Variants in KSR2 observed in about 807,000 individuals in gnomAD.
KSR2 encodes kinase suppressor of ras 2.
In KSR2, 25 loss-of-function variants were observed where a neutral mutation model predicts 107.8. That is an observed-to-expected ratio of 0.23 (90% CI 0.17 to 0.32). The LOEUF is 0.32. KSR2 is among the 10% of genes least tolerant of loss of function. The probability of loss-of-function intolerance (pLI) is 1.00; values close to 1 mark genes in which losing one functional copy is unlikely to be tolerated. For missense variants in KSR2, 887 were observed against 1,268.9 expected, an observed-to-expected ratio of 0.70 and a Z score of 4.57; for synonymous variants, 480 against 507.0, an observed-to-expected ratio of 0.95 and a Z score of 0.71.
chr12:117,837,575 T>A (rs1892276329), intron 3 of KSR2, among the ~76,000 whole-genome samples: 1 of 151,976 alleles, frequency 6.6e-6, no homozygotes. Flanking sequence ...AAAGCAACAA[T>A]GCAGCCCTGA....
At chr12:117,618,985 T>C (rs1445734653) in intron 5 of KSR2, among the ~76,000 whole-genome samples, 1 of 152,152 alleles carries the variant, frequency 6.6e-6, no homozygotes, top group African/African-American at 2.4e-5. Context: ...GGTAGGAGGA[T>C]TGGTCTACAG....
chr12:117,936,048 T>C (rs1281020942), intron 1 of KSR2, among the ~76,000 whole-genome samples: 1 of 152,162 alleles, frequency 6.6e-6, no homozygotes. Context: ...TTGAACTTTT[T>C]TTTTTTGAGA....
At chr12:117,494,338 T>C (rs1872909960) in intron 14 of KSR2, among the ~76,000 whole-genome samples, 1 of 152,206 alleles carries the variant, frequency 6.6e-6, no homozygotes, top group African/African-American at 2.4e-5. Flanking sequence ...ACTAGGCCAG[T>C]GGTTAACAAA....
At chr12:117,888,232 G>A (rs1354778653) in intron 1 of KSR2, among the ~76,000 whole-genome samples, 1 of 152,006 alleles carries the variant, frequency 6.6e-6, no homozygotes, top group Non-Finnish European at 1.5e-5. Context: ...ATTCAACCCT[G>A]GACAATGCTT....
intron 4 of KSR2, among the ~76,000 whole-genome samples, chr12:117,708,666 G>C (rs1465299819): frequency 1.3e-5 from 2 of 152,170 alleles, no homozygotes; most frequent in African/African-American, 4.8e-5. Flanking sequence ...CCTTGCCCAA[G>C]GTCAATTTCC....
At chr12:117,910,313 C>T (rs546807991) in intron 1 of KSR2, among the ~76,000 whole-genome samples, 2 of 152,296 alleles carry the variant, frequency 1.3e-5, no homozygotes, top group East Asian at 3.9e-4. Flanking sequence ...CTAATGCTTG[C>T]TAACCTTCTG....
Position 117,695,295 on chromosome 12 carries a change from G to C in KSR2, c.987-27637C>G, listed in dbSNP as rs903629846. Among the ~76,000 whole-genome samples the C allele has an allele frequency of 7.2e-5, 11 of 152,260 alleles. No individual in the cohort carries two copies. The South Asian group carries it at 1.0e-3, about 14-fold the overall frequency. The stretch of plus-strand genomic sequence containing the variant: ...TTGGGAAGATGAAGAGGGTTCTGGG[G>C]ATGGATAATGGTGATGGTTGCACAA... On this transcript the variant is annotated intron_variant, in intron 4 of 19. Transcript: ENST00000339824.
At chr12:117,701,547 T>C (rs553784796) in intron 4 of KSR2, among the ~76,000 whole-genome samples, 5 of 152,294 alleles carry the variant, frequency 3.3e-5, no homozygotes, top group Admixed American at 6.5e-5. Context: ...AAAAAAAGGC[T>C]ACTGGGACTT....
At chr12:117,611,945 G>A (rs957934098) in intron 5 of KSR2, among the ~76,000 whole-genome samples, 1 of 152,186 alleles carries the variant, frequency 6.6e-6, no homozygotes, top group African/African-American at 2.4e-5. Flanking sequence ...GTCAAATGGT[G>A]GTTGCCAGAG....
intron 4 of KSR2, among the ~76,000 whole-genome samples, chr12:117,683,453 T>C (rs1885450426): frequency 6.6e-6 from 1 of 152,186 alleles, no homozygotes; most frequent in Non-Finnish European, 1.5e-5. Flanking sequence ...TGGATTTAGT[T>C]GGCAAAAATG....
At chr12:117,553,143 A>C (rs1877428560) in intron 9 of KSR2, among the ~76,000 whole-genome samples, 1 of 152,248 alleles carries the variant, frequency 6.6e-6, no homozygotes, top group African/African-American at 2.4e-5. Context: ...TAAGCAAAGG[A>C]AGCCCTGGCT....
chr12:117,731,524 G>T (rs1261081544), intron 4 of KSR2, among the ~76,000 whole-genome samples: 1 of 152,206 alleles, frequency 6.6e-6, no homozygotes, highest in Non-Finnish European at 1.5e-5. Context: ...CCGCCACCCC[G>T]TCTGGGAGGG....
intron 1 of KSR2, among the ~76,000 whole-genome samples, chr12:117,964,139 A>G (rs1412233404): frequency 6.6e-6 from 1 of 152,148 alleles, no homozygotes; most frequent in African/African-American, 2.4e-5. Context: ...TTACCAGGGC[A>G]TGGTGGCGGG....
At chr12:117,546,270 C>T in intron 9 of KSR2, among the ~76,000 whole-genome samples, 1 of 152,146 alleles carries the variant, frequency 6.6e-6, no homozygotes, top group East Asian at 1.9e-4. Flanking sequence ...TTTCTTTCAG[C>T]ACTTGAAAAA....
At chr12:117,710,400 T>G (rs1473493795) in intron 4 of KSR2, among the ~76,000 whole-genome samples, 1 of 152,142 alleles carries the variant, frequency 6.6e-6, no homozygotes, top group Non-Finnish European at 1.5e-5. Flanking sequence ...CAAAGCAAAG[T>G]GTGTATTAGG....
In KSR2 at chr12:117,841,428, G is replaced by A. The variant is rs540516213; in HGVS notation, c.472+14000C>T. ...AATGTTCCCATCTGTGAAACTGGGC[G>A]TGCAGCCTAATCTGCCCACCACTCA... On this transcript the variant is annotated intron_variant, in intron 3 of 19. Transcript: ENST00000339824. Among the ~76,000 whole-genome samples, 11 of 152,238 alleles carry A rather than the reference G, an allele frequency of 7.2e-5. No individual in the cohort carries two copies. In the East Asian group the frequency reaches 1.7e-3, roughly 24 times the overall value.
Position 117,796,397 on chromosome 12 carries a change from A to G in KSR2, c.473-34873T>C, listed in dbSNP as rs1372702143. 2.0e-5 allele frequency among the ~76,000 whole-genome samples: 3 copies of G among 152,242 alleles called. 1 individual carries two copies. Among genetic ancestry groups the G allele is most frequent in the Non-Finnish European group, 4.4e-5 (3 of 68,048 alleles). ...GATCTCAGGAAATTACATCCCAGGC[A>G]TAAGGTAAAAAAACAAGTTGTCATT... is the stretch of plus-strand genomic sequence containing the variant. On this transcript the variant is annotated intron_variant, in intron 3 of 19. Transcript: ENST00000339824.
chr12:117,874,593 C>T (rs1033071543), intron 1 of KSR2, among the ~76,000 whole-genome samples: 2 of 152,048 alleles, frequency 1.3e-5, no homozygotes, highest in African/African-American at 4.8e-5. Flanking sequence ...GGAATTGTGC[C>T]CGTGATCACA....
intron 5 of KSR2, among the ~76,000 whole-genome samples, chr12:117,613,949 C>T (rs1188074481): frequency 1.3e-5 from 2 of 152,152 alleles, no homozygotes; most frequent in African/African-American, 2.4e-5. Flanking sequence ...TATTCTGAGG[C>T]AAGCTCAAGC....
Sources: allele counts gnomAD v4.1 joint callset (sites outside exome capture counted in the v4.1 genomes callset), GRCh38; gene constraint gnomAD v4.1.1; transcripts MANE v1.5; gene names NCBI Gene and HGNC (gene_info 2026-07-23, HGNC 2026-07-21).